STK31: variants seen among roughly 807,000 people sequenced by gnomAD.
STK31 encodes serine/threonine-protein kinase 31.
Under a neutral mutation model 129.7 loss-of-function variants are expected in STK31, and 89 were observed. That is an observed-to-expected ratio of 0.69 (90% CI 0.58 to 0.82). STK31 has a LOEUF of 0.82. Among genes scored for constraint, STK31 ranks in the 40% least tolerant of loss-of-function variants. STK31 has a pLI of 0.00. For missense variants in STK31, 1,187 were observed against 1,176.4 expected, an observed-to-expected ratio of 1.01 and a Z score of -0.13; for synonymous variants, 448 against 395.3, an observed-to-expected ratio of 1.13 and a Z score of -1.58.
chr7:23,768,667 A>T (rs1299881909), intron 11 of STK31, among the ~76,000 whole-genome samples: 2 of 152,216 alleles, frequency 1.3e-5, no homozygotes, highest in Non-Finnish European at 2.9e-5. Flanking sequence ...CAATATATCC[A>T]TGTAGCAAAA....
At chr7:23,819,093 ATTTTTGTTGAAGACCATAATAAGACTTTT>A (rs1793636487) in intron 23 of STK31, among the ~76,000 whole-genome samples, 1 of 152,208 alleles carries the variant, frequency 6.6e-6, no homozygotes, top group Non-Finnish European at 1.5e-5. Context: ...TATGAGAGTC[ATTTTTGTTGAAGACCATAATAAGACTTTT>A]GTTCCTGATC....
intron 22 of STK31, among the ~76,000 whole-genome samples, chr7:23,808,407 C>T (rs1045623381): frequency 2.0e-5 from 3 of 152,120 alleles, no homozygotes; most frequent in East Asian, 3.9e-4. Flanking sequence ...TTCACCACCA[C>T]CTTATTCCAC....
intron 8 of STK31, among the ~76,000 whole-genome samples, chr7:23,746,289 T>G (rs1365272248): frequency 6.6e-6 from 1 of 152,152 alleles, no homozygotes; most frequent in African/African-American, 2.4e-5. Flanking sequence ...TGGCTAGAAT[T>G]GCAGGAGTTT....
At chr7:23,730,878 A>ATATATATATATATATTTTTTTTTTTT in intron 6 of STK31, among the ~76,000 whole-genome samples, 1 of 59,554 alleles carries the variant, frequency 1.7e-5, no homozygotes, top group Non-Finnish European at 3.3e-5. Flanking sequence ...ATATATATAT[A>ATATATATATATATATTTTTTTTTTTT]TTTTTTTTTT....
At chr7:23,738,262 G>A (rs925793124) in intron 8 of STK31, among the ~76,000 whole-genome samples, 2 of 152,190 alleles carry the variant, frequency 1.3e-5, no homozygotes, top group Non-Finnish European at 2.9e-5. Flanking sequence ...ATAAGGCAAG[G>A]TACTGGGGCA....
At chr7:23,725,448 C>T (rs187209721) in intron 4 of STK31, among the ~76,000 whole-genome samples, 200 of 145,786 alleles carry the variant, frequency 1.4e-3, no homozygotes, top group African/African-American at 4.6e-3. Flanking sequence ...GAGGCTGAAG[C>T]GGGAGGATTG....
chr7:23,798,800 CAA>C (rs1241243188), intron 22 of STK31, among the ~76,000 whole-genome samples: 1 of 152,158 alleles, frequency 6.6e-6, no homozygotes, highest in Admixed American at 6.5e-5. Context: ...GAGAGACAGT[CAA>C]AGTCTGTCTG....
intron 4 of STK31, among the ~76,000 whole-genome samples, chr7:23,721,141 A>G (rs1212943260): frequency 6.6e-6 from 1 of 152,212 alleles, no homozygotes; most frequent in African/African-American, 2.4e-5. Context: ...GATTTTATAA[A>G]AGGGATTCTT....
At chr7:23,770,744 T>C (rs1195987204) in intron 13 of STK31, among the ~76,000 whole-genome samples, 1 of 152,186 alleles carries the variant, frequency 6.6e-6, no homozygotes, top group East Asian at 1.9e-4. Context: ...TAGCTAGGAC[T>C]ACAGGTGTAT....
chr7:23,762,950 A>G lies in STK31; in HGVS notation c.1416+27A>G, dbSNP rs1438783086. 4 of 1,506,104 alleles carry G rather than the reference A, an allele frequency of 2.7e-6. No homozygotes were observed. In the Admixed American group the frequency reaches 6.7e-5, roughly 25 times the overall value. 93.3% of individuals were successfully genotyped at this position (1,506,104 alleles called of 1,614,324 possible). On this transcript the variant is annotated intron_variant, in intron 11 of 23. Coordinates refer to ENST00000355870, the MANE Select transcript of STK31 (RefSeq NM_031414.5). ...TTGGAATTAAAAATATATTAAATAT[A>G]CGTTAAATTGTAAGTTTATTTAAGA...
chr7:23,712,209 T>C (rs759670322), intron 2 of STK31, 25 bp from the exon 3 acceptor site: 1 of 1,614,102 alleles, frequency 6.2e-7, no homozygotes, highest in East Asian at 2.2e-5. Context: ...TTTCTAATTT[T>C]CCTTGTATTG....
At chr7:23,813,807 C>G (rs749633431) in intron 22 of STK31, among the ~76,000 whole-genome samples, 3 of 152,010 alleles carry the variant, frequency 2.0e-5, no homozygotes, top group African/African-American at 7.3e-5. Flanking sequence ...TTCCTATGAC[C>G]GATGCAGAAT....
At chr7:23,730,872 A>ATTTTTTTTTTT (rs1455690740) in intron 6 of STK31, among the ~76,000 whole-genome samples, 4 of 56,122 alleles carry the variant, frequency 7.1e-5, no homozygotes, top group Admixed American at 3.0e-4. Context: ...ATATATATAT[A>ATTTTTTTTTTT]TATATATTTT....
At chr7:23,768,900 A>G (rs571940778) in intron 11 of STK31, 95 bp from the exon 12 acceptor site, 2 of 1,012,702 alleles carry the variant, frequency 2.0e-6, no homozygotes, top group African/African-American at 3.3e-5. Context: ...ATGGGGATTC[A>G]GCATACTGCT....
intron 23 of STK31, among the ~76,000 whole-genome samples, chr7:23,828,490 G>C (rs1401030790): frequency 6.6e-6 from 1 of 152,224 alleles, no homozygotes; most frequent in Admixed American, 6.5e-5. Flanking sequence ...GGTGCCATCT[G>C]TCGCCCCTTT....
intron 11 of STK31, among the ~76,000 whole-genome samples, chr7:23,764,081 T>C (rs1789657508): frequency 6.6e-6 from 1 of 152,202 alleles, no homozygotes; most frequent in Admixed American, 6.5e-5. Context: ...ACCACATGGC[T>C]TAAGAACCAT....
intron 22 of STK31, among the ~76,000 whole-genome samples, chr7:23,813,636 G>A (rs1226073161): frequency 2.6e-5 from 4 of 152,110 alleles, no homozygotes; most frequent in Admixed American, 6.6e-5. Flanking sequence ...GAGTTGTTGC[G>A]TGCTGCTGGG....
intron 4 of STK31, among the ~76,000 whole-genome samples, chr7:23,720,304 C>G (rs888243191): frequency 6.6e-6 from 1 of 152,096 alleles, no homozygotes; most frequent in Non-Finnish European, 1.5e-5. Flanking sequence ...CAAAGCAAAT[C>G]TAGGCAAGCT....
At chr7:23,801,161 T>C (rs943688989) in intron 22 of STK31, among the ~76,000 whole-genome samples, 1 of 152,228 alleles carries the variant, frequency 6.6e-6, no homozygotes, top group Non-Finnish European at 1.5e-5. Flanking sequence ...TGTACTGTTT[T>C]TGATTTTCAC....
Sources: allele counts gnomAD v4.1 joint callset (sites outside exome capture counted in the v4.1 genomes callset), GRCh38; gene constraint gnomAD v4.1.1; transcripts MANE v1.5; gene names NCBI Gene and HGNC (gene_info 2026-07-23, HGNC 2026-07-21).